Variants in KATNIP observed in about 807,000 individuals in gnomAD.
KATNIP encodes the protein katanin-interacting protein.
KATNIP carries 126 observed loss-of-function variants against 174.0 expected under a neutral mutation model. That is an observed-to-expected ratio of 0.72 (90% CI 0.63 to 0.84). The LOEUF (loss-of-function observed/expected upper bound fraction) is 0.84, where lower values mean the gene tolerates loss of function less well. KATNIP is among the 40% of genes least tolerant of loss of function. The pLI, the probability that KATNIP is intolerant of heterozygous loss-of-function variation, is 0.00. For missense variants in KATNIP, 1,958 were observed against 2,109.7 expected (o/e 0.93, Z 1.41); for synonymous variants, 810 against 835.7 (o/e 0.97, Z 0.53).
At position 27,776,895 on chromosome 16, in the gene KATNIP, A is replaced by T. The variant is rs116933846; in HGVS notation, c.4450-33A>T. The T allele has an allele frequency of 0.011, 15,765 of 1,485,286 alleles. 116 individuals are homozygous for T. The highest frequency in any genetic ancestry group is 0.013 in the Non-Finnish European group (13,858 of 1,063,402). The allele number at this position is 1,485,286 out of a possible 1,614,324, so 92.0% of individuals were successfully genotyped here. ...CAGCCAAGCGCCTCTGTTTCCAAACATGCCTGTTTTAATTAGTGCCGCTCT... is the reference window on the plus strand; with the variant it reads ...CAGCCAAGCGCCTCTGTTTCCAAACTTGCCTGTTTTAATTAGTGCCGCTCT... On this transcript the variant is annotated intron_variant, in intron 24 of 27. Coordinates refer to ENST00000261588, the MANE Select transcript of KATNIP (RefSeq NM_015202.5). The surrounding 1 kb of genome is among the most constrained non-coding windows in gnomAD (Gnocchi z 4.7).
chr16:27,595,998 A>G (rs2075323031), intron 2 of KATNIP, among the ~76,000 whole-genome samples: 1 of 152,144 alleles, frequency 6.6e-6, no homozygotes, highest in Admixed American at 6.6e-5. Flanking sequence ...CAGAGGGGTC[A>G]AGGCCAGGTC....
At chr16:27,585,175 A>G (rs1304017815) in intron 2 of KATNIP, among the ~76,000 whole-genome samples, 4 of 152,224 alleles carry the variant, frequency 2.6e-5, no homozygotes. Context: ...AATGCAATTA[A>G]CTACAGCCAG....
At chr16:27,666,392 T>G (rs1288392230) in intron 6 of KATNIP, among the ~76,000 whole-genome samples, 5 of 149,510 alleles carry the variant, frequency 3.3e-5, no homozygotes, top group South Asian at 4.4e-4. Context: ...GGGGAATGAG[T>G]TTTTGTTTTG....
At position 27,589,814 on chromosome 16, in the gene KATNIP, A is replaced by T. The variant is rs886653033; in HGVS notation, c.63+15858A>T. On this transcript the variant is annotated intron_variant, in intron 2 of 27. Coordinates refer to ENST00000261588, the MANE Select transcript of KATNIP (RefSeq NM_015202.5). ...ATTTTATTTATTTATTTATTTTGAGACAGAGTCTCGCTCTGTGGCCCAGGC... is the reference window on the plus strand; with the variant it reads ...ATTTTATTTATTTATTTATTTTGAGTCAGAGTCTCGCTCTGTGGCCCAGGC... Among the ~76,000 whole-genome samples, 45 of 151,708 alleles carry T rather than the reference A, an allele frequency of 3.0e-4. 1 individual carries two copies. The highest frequency in any genetic ancestry group is 6.8e-3 in the Middle Eastern group (2 of 294).
chr16:27,758,623 C>T (rs1313432999), intron 18 of KATNIP, among the ~76,000 whole-genome samples: 1 of 152,218 alleles, frequency 6.6e-6, no homozygotes. Flanking sequence ...CTTCTACTCT[C>T]TCCCTTGGCC....
At chr16:27,631,484 G>T (rs548270816) in intron 5 of KATNIP, among the ~76,000 whole-genome samples, 2 of 151,528 alleles carry the variant, frequency 1.3e-5, no homozygotes, top group Non-Finnish European at 2.9e-5. Context: ...GTTTAAGCCC[G>T]CAGTGAGCTA....
chr16:27,609,425 T>C (rs2075819408), intron 2 of KATNIP, among the ~76,000 whole-genome samples: 1 of 147,442 alleles, frequency 6.8e-6, no homozygotes, highest in East Asian at 2.0e-4. Flanking sequence ...GAGTCTCGCT[T>C]TGTTGCCCAG....
At chr16:27,696,198 G>A (rs372560241) in intron 8 of KATNIP, among the ~76,000 whole-genome samples, 19 of 152,114 alleles carry the variant, frequency 1.2e-4, no homozygotes, top group African/African-American at 2.7e-4. Flanking sequence ...CTTGTTACCC[G>A]TGCAAAAGTA....
At position 27,777,651 on chromosome 16, in the gene KATNIP, C is replaced by T. The variant is rs933089178; in HGVS notation, c.4593C>T (p.Ala1531=). Residue 1531 remains alanine (A), a synonymous_variant, in exon 26 of 28, where the codon GCC becomes GCT. Transcript: ENST00000261588. This position sits in a 1 kb window ranked among gnomAD's most constrained non-coding sequence, Gnocchi z 4.4. ...TGCTTGTGTACAATGGGATCCTGGCCATGGTGAGCCACCTGGTGGGGGGCA... is the reference window on the plus strand; with the variant it reads ...TGCTTGTGTACAATGGGATCCTGGCTATGGTGAGCCACCTGGTGGGGGGCA... ...DDLLVYNGIL[A]MVSHLVGGIL... is the part of the protein sequence containing the mutation. The T allele has an allele frequency of 6.2e-7, 1 of 1,613,662 alleles. No individual in the cohort carries two copies. The highest frequency in any genetic ancestry group is 1.3e-5 in the African/African-American group (1 of 74,940).
intron 19 of KATNIP, 24 bp from the exon 20 acceptor site, chr16:27,766,285 G>A (rs748312294): frequency 6.2e-6 from 10 of 1,611,460 alleles, no homozygotes; most frequent in African/African-American, 5.3e-5. Context: ...CCGCCCCCCT[G>A]CCGCTCCGTC....
chr16:27,554,664 G>A (rs552986237), intron 1 of KATNIP, among the ~76,000 whole-genome samples: 4 of 152,046 alleles, frequency 2.6e-5, no homozygotes, highest in African/African-American at 7.2e-5. Context: ...TAGTAGAGGG[G>A]TATGTTCATT....
intron 1 of KATNIP, among the ~76,000 whole-genome samples, chr16:27,570,978 T>A (rs1297570356): frequency 6.6e-6 from 1 of 152,218 alleles, no homozygotes; most frequent in African/African-American, 2.4e-5. Context: ...AAAAAAGTTT[T>A]CAAATGCATT....
At chr16:27,749,364 C>A (rs1219366365) in intron 15 of KATNIP, among the ~76,000 whole-genome samples, 1 of 152,224 alleles carries the variant, frequency 6.6e-6, no homozygotes, top group East Asian at 1.9e-4. Flanking sequence ...CCAGGGCCCC[C>A]ATGCAGTGCA....
intron 3 of KATNIP, among the ~76,000 whole-genome samples, chr16:27,626,029 T>C (rs537882749): frequency 6.6e-6 from 1 of 152,020 alleles, no homozygotes; most frequent in African/African-American, 2.4e-5. Context: ...TTTATATTTT[T>C]TATAGAGACG....
chr16:27,603,208 A>G (rs2075589339), intron 2 of KATNIP, among the ~76,000 whole-genome samples: 1 of 152,248 alleles, frequency 6.6e-6, no homozygotes, highest in African/African-American at 2.4e-5. Flanking sequence ...TTGCAAATCT[A>G]GTGACCTCTG....
At chr16:27,572,085 A>G (rs144481494) in intron 1 of KATNIP, among the ~76,000 whole-genome samples, 1 of 151,790 alleles carries the variant, frequency 6.6e-6, no homozygotes, top group Non-Finnish European at 1.5e-5. Flanking sequence ...GAGCTCCCAT[A>G]TACCCCTGTC....
intron 2 of KATNIP, among the ~76,000 whole-genome samples, chr16:27,602,730 G>T (rs148493107): frequency 6.6e-6 from 1 of 151,788 alleles, no homozygotes; most frequent in Admixed American, 6.6e-5. Flanking sequence ...ACAGATTCTC[G>T]CTCTGTTGCC....
rs1284334187 is a variant in KATNIP, at chr16:27,708,907, A to G, written c.1592A>G (p.Asn531Ser). The G allele has an allele frequency of 2.5e-6, 4 of 1,612,574 alleles. No homozygotes were observed. The African/African-American group carries it at 4.0e-5, about 16-fold the overall frequency. Residue 531 changes from asparagine (N) to serine (S), a missense_variant, in exon 13 of 28, where the codon AAC (asparagine) becomes AGC (serine). Around this residue, in one of 3 missense-constraint regions of KATNIP, gnomAD observed 1,557 missense variants for 1,617.8 expected, o/e 0.96. Coordinates refer to ENST00000261588, the MANE Select transcript of KATNIP (RefSeq NM_015202.5). ...CCTGGGGAGCTGGGCCGCCTCGTCA[A>G]CAGGAACTTAGCTGTGAGTGGAAGG... ...ATPGELGRLV[N>S]RNLAGKKDSS... is the part of the protein sequence containing the mutation.
chr16:27,723,433 G>A (rs2080317005), intron 14 of KATNIP, among the ~76,000 whole-genome samples: 1 of 150,970 alleles, frequency 6.6e-6, no homozygotes, highest in South Asian at 2.1e-4. Context: ...TGATATTCCT[G>A]GAAACACAGA....
Sources: allele counts gnomAD v4.1 joint callset (sites outside exome capture counted in the v4.1 genomes callset), GRCh38; gene constraint gnomAD v4.1.1; regional missense constraint gnomAD v4.1.1; non-coding constraint Gnocchi (gnomAD v3.1); transcripts MANE v1.5; gene names NCBI Gene and HGNC (gene_info 2026-07-23, HGNC 2026-07-21).